Variants in TP63 observed in about 807,000 individuals in gnomAD.
The protein encoded by TP63 is tumor protein 63.
Under a neutral mutation model 82.8 loss-of-function variants are expected in TP63, and 17 were observed. The observed-to-expected ratio is 0.21, with a 90% CI of 0.14 to 0.31. The LOEUF is 0.31. Ranked by LOEUF, TP63 falls within the 10% of genes least tolerant of loss-of-function variation. The probability of loss-of-function intolerance (pLI) is 1.00; values close to 1 mark genes in which losing one functional copy is unlikely to be tolerated. For missense variants in TP63, 648 were observed against 895.3 expected, an observed-to-expected ratio of 0.72 and a Z score of 3.52; for synonymous variants, 330 against 321.7, an observed-to-expected ratio of 1.03 and a Z score of -0.28.
chr3:189,743,799 G>A (rs1721172870), intron 3 of TP63, among the ~76,000 whole-genome samples: 1 of 152,106 alleles, frequency 6.6e-6, no homozygotes, highest in Non-Finnish European at 1.5e-5. Flanking sequence ...GGGATCAGCT[G>A]GTAGCCTGGA....
intron 10 of TP63, among the ~76,000 whole-genome samples, chr3:189,875,356 A>G (rs1718921603): frequency 6.6e-6 from 1 of 151,684 alleles, no homozygotes; most frequent in South Asian, 2.1e-4. Flanking sequence ...TCACGAGGTC[A>G]GGAGCTCGAG....
At chr3:189,777,842 C>CTTTTT (rs1723924680) in intron 3 of TP63, among the ~76,000 whole-genome samples, 2 of 65,926 alleles carry the variant, frequency 3.0e-5, no homozygotes, top group African/African-American at 1.3e-4. Flanking sequence ...TCTTCTTCTT[C>CTTTTT]TTCTTTTTTT....
chr3:189,819,452 A>G (rs988266184), intron 4 of TP63, among the ~76,000 whole-genome samples: 13 of 149,680 alleles, frequency 8.7e-5, no homozygotes, highest in Non-Finnish European at 1.5e-4. Flanking sequence ...CCCTTCCCTC[A>G]CCCCACAACA....
At chr3:189,842,316 A>G (rs750629127) in intron 4 of TP63, among the ~76,000 whole-genome samples, 34 of 152,162 alleles carry the variant, frequency 2.2e-4, no homozygotes, top group Non-Finnish European at 4.3e-4. Context: ...ATAACATCTT[A>G]AAGAGAAGAG....
rs571307832 is a variant in TP63, at chr3:189,644,926, T to A, written c.62+13349T>A. On this transcript the variant is annotated intron_variant, in intron 1 of 13. Coordinates refer to ENST00000264731, the MANE Select transcript of TP63 (RefSeq NM_003722.5). Reference sequence around the variant, plus strand: ...CACCACATTTTCTTTTTTTTTTTTTTATGGTGAAATGGTACTTTTATATTG... The same window carrying A: ...CACCACATTTTCTTTTTTTTTTTTTAATGGTGAAATGGTACTTTTATATTG... Among the ~76,000 whole-genome samples, 12 of 145,678 alleles carry A rather than the reference T, an allele frequency of 8.2e-5. No homozygotes were observed. The East Asian group carries it at 1.6e-3, about 19-fold the overall frequency.
At chr3:189,693,908 A>T (rs1717142146) in intron 1 of TP63, among the ~76,000 whole-genome samples, 1 of 152,160 alleles carries the variant, frequency 6.6e-6, no homozygotes, top group Admixed American at 6.5e-5. Context: ...AGATGATTTT[A>T]AAAAGTTTCT....
intron 1 of TP63, among the ~76,000 whole-genome samples, chr3:189,651,352 C>T (rs1286094594): frequency 2.1e-5 from 3 of 146,230 alleles, no homozygotes; most frequent in Admixed American, 6.7e-5. Context: ...TCAAGACCAG[C>T]CTGGCCAACA....
At chr3:189,833,856 T>G (rs1712730391) in intron 4 of TP63, among the ~76,000 whole-genome samples, 1 of 152,234 alleles carries the variant, frequency 6.6e-6, no homozygotes, top group Non-Finnish European at 1.5e-5. Flanking sequence ...AAAACGATTA[T>G]TATTTTGCAT....
Position 189,853,350 on chromosome 3 carries a change from A to T in TP63, c.580-10882A>T, listed in dbSNP as rs560711090. Among the ~76,000 whole-genome samples, 9 of 152,298 alleles carry T rather than the reference A, an allele frequency of 5.9e-5. No individual in the cohort carries two copies. In the South Asian group the frequency reaches 8.3e-4, roughly 14 times the overall value. ...GTCCTGCTCTACAAGGCCTTGCGTG[A>T]TCTGGGCTCCCTATTATCTCTGATC... On this transcript the variant is annotated intron_variant, in intron 4 of 13. Transcript: ENST00000264731.
chr3:189,894,522 T>C lies in TP63; in HGVS notation c.*20T>C, dbSNP rs1721330258. 1.2e-6 allele frequency: 2 copies of C among 1,611,542 alleles called. No homozygotes were observed. Among genetic ancestry groups the C allele is most frequent in the African/African-American group, 1.3e-5 (1 of 74,838 alleles). On this transcript the variant is annotated 3_prime_UTR_variant, in exon 14 of 14. Coordinates refer to ENST00000264731, the MANE Select transcript of TP63 (RefSeq NM_003722.5). The stretch of plus-strand genomic sequence containing the variant: ...GAGTGAGCCTCACCATGTGAGCTCT[T>C]CCTATCCCTCTCCTAACTGCCAGCC...
chr3:189,806,758 A>G (rs568628052), intron 3 of TP63, among the ~76,000 whole-genome samples: 1 of 152,324 alleles, frequency 6.6e-6, no homozygotes, highest in South Asian at 2.1e-4. Flanking sequence ...AAATGGGGAC[A>G]TGGCATTCGG....
chr3:189,801,737 C>A (rs972407247), intron 3 of TP63, among the ~76,000 whole-genome samples: 1 of 152,170 alleles, frequency 6.6e-6, no homozygotes, highest in African/African-American at 2.4e-5. Context: ...GGAATCTTGG[C>A]ACTCAAAGGA....
At chr3:189,626,242 T>C in the TP63 span, among the ~76,000 whole-genome samples, 1 of 152,200 alleles carries the variant, frequency 6.6e-6, no homozygotes. Flanking sequence ...AACTTTGGCT[T>C]CCACTTTACT....
intron 3 of TP63, among the ~76,000 whole-genome samples, chr3:189,744,179 AC>A (rs1397520744): frequency 6.6e-6 from 1 of 151,368 alleles, no homozygotes; most frequent in African/African-American, 2.4e-5. Context: ...TGACCCCTTC[AC>A]CCCCCAACAG....
At chr3:189,887,003 G>T (rs1387344726) in intron 11 of TP63, among the ~76,000 whole-genome samples, 1 of 152,130 alleles carries the variant, frequency 6.6e-6, no homozygotes, top group African/African-American at 2.4e-5. Context: ...GAGGTCAGGA[G>T]TTCGAGACCA....
chr3:189,771,560 C>T (rs1723378776), intron 3 of TP63, among the ~76,000 whole-genome samples: 2 of 148,100 alleles, frequency 1.4e-5, no homozygotes, highest in Admixed American at 6.9e-5. Context: ...AGCTGATTGG[C>T]CTTGAAGATA....
chr3:189,742,189 G>C (rs1389358108), intron 3 of TP63, among the ~76,000 whole-genome samples: 3 of 140,880 alleles, frequency 2.1e-5, no homozygotes, highest in Non-Finnish European at 4.5e-5. Flanking sequence ...GTTGCAGTGA[G>C]CTAAGATTGT....
At chr3:189,620,884 T>A in the TP63 span, among the ~76,000 whole-genome samples, 1 of 152,190 alleles carries the variant, frequency 6.6e-6, no homozygotes, top group Non-Finnish European at 1.5e-5. Flanking sequence ...GAACCAGAGG[T>A]TGTCCACAAG....
At chr3:189,771,495 T>C (rs897579472) in intron 3 of TP63, among the ~76,000 whole-genome samples, 11 of 140,526 alleles carry the variant, frequency 7.8e-5, no homozygotes, top group African/African-American at 2.4e-4. Flanking sequence ...TTATATAATA[T>C]ATAAATATAT....
Sources: allele counts gnomAD v4.1 joint callset (sites outside exome capture counted in the v4.1 genomes callset), GRCh38; gene constraint gnomAD v4.1.1; transcripts MANE v1.5; gene names NCBI Gene and HGNC (gene_info 2026-07-23, HGNC 2026-07-21).